CADM2: variants seen among roughly 807,000 people sequenced by gnomAD.
The protein encoded by CADM2 is cell adhesion molecule 2, also known as immunoglobulin superfamily member 4D.
A neutral mutation model predicts 49.8 loss-of-function variants in CADM2; 12 were observed. That is an observed-to-expected ratio of 0.24 (90% CI 0.15 to 0.39). The LOEUF (loss-of-function observed/expected upper bound fraction) is 0.39. Ranked by LOEUF, CADM2 falls within the 10% of genes least tolerant of loss-of-function variation. The probability of loss-of-function intolerance (pLI) is 1.00; values close to 1 mark genes in which losing one functional copy is unlikely to be tolerated. For synonymous variants in CADM2, 214 were observed against 175.4 expected (o/e 1.22, Z -1.74); for missense variants, 378 against 492.3 (o/e 0.77, Z 2.20).
At chr3:86,057,332 A>G (rs1738111844) in intron 8 of CADM2, among the ~76,000 whole-genome samples, 1 of 152,174 alleles carries the variant, frequency 6.6e-6, no homozygotes, top group South Asian at 2.1e-4. Flanking sequence ...ATATGGAAAA[A>G]TTCTAATTTA....
Position 85,530,914 on chromosome 3 carries a change from A to AC in CADM2, c.62-195608_62-195607insC, listed in dbSNP as rs1559890350. 1.6e-3 allele frequency among the ~76,000 whole-genome samples: 202 copies of AC among 127,432 alleles called. 1 individual carries two copies. Among genetic ancestry groups the AC allele is most frequent in the Middle Eastern group, 0.012 (3 of 260 alleles). 83.6% of individuals were successfully genotyped at this position (127,432 alleles called of 152,430 possible). ...CACACACACACACACACACACACAC[A>AC]AAATTCATTATTGTGGAATGTCAGG... On this transcript the variant is annotated intron_variant, in intron 1 of 9. Coordinates refer to ENST00000383699, the MANE Select transcript of CADM2 (RefSeq NM_001167675.2).
chr3:85,648,228 C>G, intron 1 of CADM2, among the ~76,000 whole-genome samples: 1 of 151,828 alleles, frequency 6.6e-6, no homozygotes, highest in Non-Finnish European at 1.5e-5. Context: ...AATGTCTTCC[C>G]GTTATCACAA....
At chr3:85,082,603 A>G (rs2037207546) in intron 1 of CADM2, among the ~76,000 whole-genome samples, 1 of 152,132 alleles carries the variant, frequency 6.6e-6, no homozygotes, top group Non-Finnish European at 1.5e-5. Context: ...GACCTGTGAC[A>G]TAGAAGTGAC....
At chr3:86,039,732 G>A (rs540949362) in intron 8 of CADM2, among the ~76,000 whole-genome samples, 64 of 152,300 alleles carry the variant, frequency 4.2e-4, no homozygotes, top group African/African-American at 1.5e-3. Context: ...TTTGAAGAGA[G>A]TAGTGGTTCT....
At chr3:85,698,133 T>C (rs1044311401) in intron 1 of CADM2, among the ~76,000 whole-genome samples, 2 of 152,198 alleles carry the variant, frequency 1.3e-5, no homozygotes, top group African/African-American at 4.8e-5. Context: ...CCTCAAGATT[T>C]TGAGGTTCAG....
At chr3:85,037,682 C>T (rs1576088673) in intron 1 of CADM2, among the ~76,000 whole-genome samples, 1 of 152,014 alleles carries the variant, frequency 6.6e-6, no homozygotes, top group Non-Finnish European at 1.5e-5. Context: ...TTATGTTTGT[C>T]CCCTTTATCT....
chr3:85,575,914 G>A (rs1042148798), intron 1 of CADM2, among the ~76,000 whole-genome samples: 15 of 152,190 alleles, frequency 9.9e-5, no homozygotes, highest in African/African-American at 3.4e-4. Context: ...GTAGACAGAA[G>A]TGAAAATACT....
chr3:85,088,092 A>T (rs1248093693), intron 1 of CADM2, among the ~76,000 whole-genome samples: 1 of 152,218 alleles, frequency 6.6e-6, no homozygotes, highest in African/African-American at 2.4e-5. Context: ...TTTTCTGTCT[A>T]ATCCTGAATG....
intron 1 of CADM2, among the ~76,000 whole-genome samples, chr3:85,153,052 C>T (rs1003403366): frequency 2.0e-5 from 3 of 152,010 alleles, no homozygotes; most frequent in African/African-American, 7.2e-5. Context: ...AAATTACCTG[C>T]ATTTGAAAAT....
chr3:85,002,339 C>A (rs2033504679), intron 1 of CADM2, among the ~76,000 whole-genome samples: 1 of 152,040 alleles, frequency 6.6e-6, no homozygotes, highest in African/African-American at 2.4e-5. Context: ...TCTTGCTGTG[C>A]ACTGTCACAT....
chr3:85,995,076 G>T (rs530965670), intron 8 of CADM2, among the ~76,000 whole-genome samples: 3 of 138,200 alleles, frequency 2.2e-5, no homozygotes, highest in Admixed American at 7.3e-5. Flanking sequence ...ACAATAAAAT[G>T]AAATATAGGC....
intron 1 of CADM2, among the ~76,000 whole-genome samples, chr3:85,471,362 T>C (rs1358377650): frequency 2.0e-5 from 3 of 152,126 alleles, no homozygotes; most frequent in Non-Finnish European, 4.4e-5. Context: ...GTGATATCCT[T>C]TACTTCTGCT....
intron 8 of CADM2, among the ~76,000 whole-genome samples, chr3:85,989,913 T>C (rs1406616379): frequency 6.9e-6 from 1 of 144,326 alleles, no homozygotes; most frequent in African/African-American, 2.6e-5. Context: ...CTCAGGAGGC[T>C]GAGGCAGGAG....
At chr3:85,878,532 T>A (rs1246764876) in intron 3 of CADM2, among the ~76,000 whole-genome samples, 3 of 152,102 alleles carry the variant, frequency 2.0e-5, no homozygotes, top group South Asian at 4.1e-4. Flanking sequence ...CAAATAATTT[T>A]AAAATGTCAT....
intron 1 of CADM2, among the ~76,000 whole-genome samples, chr3:85,709,269 A>T (rs186770759): frequency 1.4e-4 from 21 of 152,280 alleles, no homozygotes; most frequent in Non-Finnish European, 2.4e-4. Context: ...GTTTTAGTTT[A>T]AAATTTAAAC....
chr3:85,552,622 C>T (rs1183089554), intron 1 of CADM2, among the ~76,000 whole-genome samples: 2 of 151,664 alleles, frequency 1.3e-5, no homozygotes, highest in African/African-American at 2.4e-5. Context: ...CCTTGTGATC[C>T]GCCCACCTCA....
intron 8 of CADM2, among the ~76,000 whole-genome samples, chr3:85,975,721 G>A (rs1177767508): frequency 6.6e-6 from 1 of 151,480 alleles, no homozygotes; most frequent in African/African-American, 2.4e-5. Context: ...TGCATTTATA[G>A]TTGGTTAAAT....
At chr3:85,427,181 T>C (rs1559834437) in intron 1 of CADM2, among the ~76,000 whole-genome samples, 1 of 58,872 alleles carries the variant, frequency 1.7e-5, no homozygotes, top group Non-Finnish European at 5.3e-5. Context: ...TATATATATA[T>C]ATATATATAT....
intron 3 of CADM2, among the ~76,000 whole-genome samples, chr3:85,843,310 C>T (rs1248671610): frequency 6.6e-6 from 1 of 152,070 alleles, no homozygotes; most frequent in African/African-American, 2.4e-5. Flanking sequence ...ACATCGTCAT[C>T]TAACCCCAGC....
Sources: allele counts gnomAD v4.1 joint callset (sites outside exome capture counted in the v4.1 genomes callset), GRCh38; gene constraint gnomAD v4.1.1; transcripts MANE v1.5; gene names NCBI Gene and HGNC (gene_info 2026-07-23, HGNC 2026-07-21).